Variants in CALML4 observed in about 807,000 individuals in gnomAD.
CALML4 encodes calmodulin like 4.
CALML4 carries 16 observed loss-of-function variants against 17.9 expected under a neutral mutation model. The ratio of observed to expected loss-of-function variants is 0.89; its 90% CI spans 0.61 to 1.36. CALML4 has a LOEUF of 1.36. Ranked by LOEUF, CALML4 falls within the 40% of genes most tolerant of loss-of-function variation. The probability of loss-of-function intolerance (pLI) is 0.00; values close to 1 mark genes in which losing one functional copy is unlikely to be tolerated. For synonymous variants in CALML4, 86 were observed against 71.5 expected, an observed-to-expected ratio of 1.20 and a Z score of -1.02; for missense variants, 203 against 194.8, an observed-to-expected ratio of 1.04 and a Z score of -0.25.
rs771117563 is a variant in CALML4 at position 68,200,877 on chromosome 15, A to G, written c.35-1196T>C. Reference sequence around the variant, plus strand: ...ACAACCCTGTGATGCGCCCCCTCATATTCCCATGTGCGGACAGGACATTGA... The same window carrying G: ...ACAACCCTGTGATGCGCCCCCTCATGTTCCCATGTGCGGACAGGACATTGA... On this transcript the variant is annotated intron_variant, in intron 2 of 4. Transcript: ENST00000467889. The surrounding 1 kb of genome is among the most constrained non-coding windows in gnomAD (Gnocchi z 4.3). Among the ~76,000 whole-genome samples the G allele has an allele frequency of 2.0e-5, 3 of 152,046 alleles. No individual in the cohort carries two copies. Among genetic ancestry groups the G allele is most frequent in the Non-Finnish European group, 4.4e-5 (3 of 68,000 alleles).
At chr15:68,205,431 A>G (rs1403085544), upstream of CALML4, 11 of 1,606,578 alleles carry the variant, frequency 6.8e-6, 1 homozygote, top group South Asian at 2.2e-5. The surrounding 1 kb of genome is among the most constrained non-coding windows in gnomAD (Gnocchi z 4.8). Flanking sequence ...AGCACAGCTC[A>G]TGACCCGCCA....
In CALML4 at chr15:68,200,925, G is replaced by C. The variant is rs1035479750; in HGVS notation, c.35-1244C>G. Among the ~76,000 whole-genome samples the C allele has an allele frequency of 1.1e-4, 17 of 152,142 alleles. No homozygotes were observed. The highest frequency in any genetic ancestry group is 4.1e-4 in the African/African-American group (17 of 41,426). ...TGAGGGCTGGAACACTGAGAGCCTG[G>C]CTGTGGGCAGCTCTGCCCACCAGGC... On this transcript the variant is annotated intron_variant, in intron 2 of 4. Transcript: ENST00000467889. The surrounding 1 kb of genome is among the most constrained non-coding windows in gnomAD (Gnocchi z 4.3).
rs561325509 is a variant in CALML4 at position 68,205,185 on chromosome 15, G to C, written c.4-34C>G. The C allele has an allele frequency of 1.7e-5, 27 of 1,614,060 alleles. No homozygotes were observed. The African/African-American group carries it at 3.6e-4, about 22-fold the overall frequency. On this transcript the variant is annotated intron_variant, in intron 1 of 4. Transcript: ENST00000467889. The surrounding 1 kb of genome is among the most constrained non-coding windows in gnomAD (Gnocchi z 4.8). ...GAGAAAGGAAAACAGTCAGGGGAGGGCTCCACCTGAGGTTCACGCCCCCAG... is the reference window on the plus strand; with the variant it reads ...GAGAAAGGAAAACAGTCAGGGGAGGCCTCCACCTGAGGTTCACGCCCCCAG...
intron 4 of CALML4, among the ~76,000 whole-genome samples, chr15:68,195,216 G>A (rs1210049077): frequency 3.3e-5 from 5 of 152,032 alleles, no homozygotes; most frequent in Non-Finnish European, 7.4e-5. Context: ...TCATCTCACT[G>A]CCCTGTGTCA....
At chr15:68,195,940 T>TG (rs1244802129) in intron 4 of CALML4, among the ~76,000 whole-genome samples, 1 of 152,092 alleles carries the variant, frequency 6.6e-6, no homozygotes, top group Admixed American at 6.5e-5. Context: ...GGCAGTGTCC[T>TG]GGGGGGAGTC....
chr15:68,204,804 A>G lies in CALML4; in HGVS notation c.34+317T>C, dbSNP rs2093176699. Reference sequence around the variant, plus strand: ...TTCCCTGCTGCCAGCCATACCTTTAATGGTCTCTCTCTCCATCCCCAGTCC... The same window carrying G: ...TTCCCTGCTGCCAGCCATACCTTTAGTGGTCTCTCTCTCCATCCCCAGTCC... On this transcript the variant is annotated intron_variant, in intron 2 of 4. Transcript: ENST00000467889. The surrounding 1 kb of genome is among the most constrained non-coding windows in gnomAD (Gnocchi z 6.0). Among the ~76,000 whole-genome samples, 1 of 152,080 alleles carries G rather than the reference A, an allele frequency of 6.6e-6. No homozygotes were observed. Among genetic ancestry groups the G allele is most frequent in the South Asian group, 2.1e-4 (1 of 4,824 alleles).
Position 68,205,231 on chromosome 15 carries a change from A to G in CALML4, c.3+14T>C. 6.2e-7 allele frequency: 1 copy of G among 1,613,936 alleles called. No homozygotes were observed. Among genetic ancestry groups the G allele is most frequent in the Non-Finnish European group, 8.5e-7 (1 of 1,179,966 alleles). On this transcript the variant is annotated intron_variant, in intron 1 of 4. Coordinates refer to ENST00000467889, the MANE Select transcript of CALML4 (RefSeq NM_033429.3). This position sits in a 1 kb window ranked among gnomAD's most constrained non-coding sequence, Gnocchi z 4.8. ...CCCAGCCCTGGCCAGGCCGACACAG[A>G]CCCTCACACTCACCATTCTGGGGCC...
rs962116084 is a variant in CALML4 at position 68,197,844 on chromosome 15, C to T, written c.176-216G>A. On this transcript the variant is annotated intron_variant, in intron 3 of 4. Transcript: ENST00000467889. This position sits in a 1 kb window ranked among gnomAD's most constrained non-coding sequence, Gnocchi z 4.1. ...TGGACATTCTTCATTTCAGCAACGT[C>T]CTCAGTGACGATGCTTATCATCACC... 5.6e-5 allele frequency: 30 copies of T among 538,806 alleles called. No homozygotes were observed. The highest frequency in any genetic ancestry group is 5.1e-4 in the African/African-American group (27 of 52,772). 33.4% of individuals were successfully genotyped at this position (538,806 alleles called of 1,614,324 possible). A position where few individuals can be genotyped will look rare whatever the true frequency, so the allele number is the denominator to read the frequency against.
chr15:68,197,299 G>A lies in CALML4; in HGVS notation c.364+141C>T, dbSNP rs1019018236. ...GGCTCCAGTCCAGCACCCACCTAGTGTGGCATCTGCTCACAGTCTCCTGCG... is the reference window on the plus strand; with the variant it reads ...GGCTCCAGTCCAGCACCCACCTAGTATGGCATCTGCTCACAGTCTCCTGCG... On this transcript the variant is annotated intron_variant, in intron 4 of 4. Coordinates refer to ENST00000467889, the MANE Select transcript of CALML4 (RefSeq NM_033429.3). This position sits in a 1 kb window ranked among gnomAD's most constrained non-coding sequence, Gnocchi z 4.1. The A allele has an allele frequency of 2.8e-5, 20 of 725,610 alleles. No homozygotes were observed. The Admixed American group carries it at 3.4e-4, about 12-fold the overall frequency. 44.9% of individuals were successfully genotyped at this position (725,610 alleles called of 1,614,324 possible).
chr15:68,192,052 G>A lies in CALML4; in HGVS notation c.*1963C>T, dbSNP rs1002517869. 1.1e-4 allele frequency: 16 copies of A among 152,184 alleles called. No homozygotes were observed. The highest frequency in any genetic ancestry group is 3.9e-4 in the African/African-American group (16 of 41,440). 9.4% of individuals were successfully genotyped at this position (152,184 alleles called of 1,614,324 possible). A position where few individuals can be genotyped will look rare whatever the true frequency, so the allele number is the denominator to read the frequency against. On this transcript the variant is annotated 3_prime_UTR_variant, in exon 5 of 5. Transcript: ENST00000467889. ...CAGTGATAAATATAGACATAGAAAA[G>A]CTTTGACGGAAAGTACCCTCATTTA...
intron 3 of CALML4, among the ~76,000 whole-genome samples, chr15:68,198,951 C>G (rs1157980834): frequency 6.6e-6 from 1 of 152,144 alleles, no homozygotes; most frequent in African/African-American, 2.4e-5. Flanking sequence ...CACCTGAGGT[C>G]AGGAGTTCAA....
chr15:68,202,291 T>C (rs959056959), intron 2 of CALML4, among the ~76,000 whole-genome samples: 3 of 152,166 alleles, frequency 2.0e-5, no homozygotes, highest in Non-Finnish European at 4.4e-5. Flanking sequence ...AATACAGAAA[T>C]GTACACTATT....
chr15:68,195,305 T>C (rs1307220206), intron 4 of CALML4, among the ~76,000 whole-genome samples: 1 of 152,234 alleles, frequency 6.6e-6, no homozygotes, highest in Non-Finnish European at 1.5e-5. Context: ...TCTGCTTAAC[T>C]ATCCTTCTCG....
chr15:68,194,631 A>ACCTG (rs2093135257), intron 4 of CALML4, among the ~76,000 whole-genome samples: 1 of 151,776 alleles, frequency 6.6e-6, no homozygotes, highest in African/African-American at 2.4e-5. Context: ...TGAGCCATCC[A>ACCTG]CCTCAGCCTC....
chr15:68,196,367 A>C (rs1205244725), intron 4 of CALML4, among the ~76,000 whole-genome samples: 1 of 152,196 alleles, frequency 6.6e-6, no homozygotes, highest in Non-Finnish European at 1.5e-5. Flanking sequence ...CCTCATTTCC[A>C]GCAAGGAAAG....
In CALML4 at chr15:68,191,808, T is replaced by A. The variant is rs947259863; in HGVS notation, c.*2207A>T. The A allele has an allele frequency of 6.6e-6, 1 of 152,152 alleles. No homozygotes were observed. The highest frequency in any genetic ancestry group is 1.5e-5 in the Non-Finnish European group (1 of 68,034). The allele number at this position is 152,152 out of a possible 1,614,324, so 9.4% of individuals were successfully genotyped here. On this transcript the variant is annotated 3_prime_UTR_variant, in exon 5 of 5. Transcript: ENST00000467889. Reference sequence around the variant, plus strand: ...CTTGAAACCAGGACCAGGAGTAAGGTAACAGCCCTTCCTCGGGTAGAGGTT... The same window carrying A: ...CTTGAAACCAGGACCAGGAGTAAGGAAACAGCCCTTCCTCGGGTAGAGGTT...
At chr15:68,198,440 G>A (rs184487339) in intron 3 of CALML4, 1 of 152,302 alleles carries the variant, frequency 6.6e-6, no homozygotes, top group African/African-American at 2.4e-5. Context: ...GCAGCCTATG[G>A]GCTCCGGGTC....
chr15:68,203,113 G>A (rs1262927926), intron 2 of CALML4, among the ~76,000 whole-genome samples: 1 of 150,652 alleles, frequency 6.6e-6, no homozygotes, highest in Non-Finnish European at 1.5e-5. Flanking sequence ...ACTGCACCTG[G>A]CCAGTTTTGT....
chr15:68,194,157 C>T (rs774945145), intron 4 of CALML4, 45 bp from the exon 5 acceptor site: 4 of 1,505,580 alleles, frequency 2.7e-6, no homozygotes, highest in Non-Finnish European at 3.7e-6. Flanking sequence ...TTTAGTGTTC[C>T]ATTATAAAAC....
Sources: gnomAD v4.1 joint callset for allele counts (sites outside exome capture counted in the v4.1 genomes callset) on GRCh38, gnomAD v4.1.1 for gene constraint, Gnocchi (gnomAD v3.1) non-coding constraint, MANE v1.5 for transcripts, NCBI Gene and HGNC (gene_info 2026-07-23, HGNC 2026-07-21) for gene names.